CACNA2D4: variants seen among roughly 807,000 people sequenced by gnomAD.
The protein encoded by CACNA2D4 is voltage-dependent calcium channel subunit alpha-2/delta-4.
CACNA2D4 carries 157 observed loss-of-function variants against 163.8 expected under a neutral mutation model. That is an observed-to-expected ratio of 0.96 (90% CI 0.84 to 1.09). The LOEUF is 1.09. Among genes scored for constraint, CACNA2D4 ranks in the 50% least tolerant of loss-of-function variants. The pLI, the probability that CACNA2D4 is intolerant of heterozygous loss-of-function variation, is 0.00. For synonymous variants in CACNA2D4, 598 were observed against 586.9 expected (o/e 1.02, Z -0.27); for missense variants, 1,410 against 1,479.9 (o/e 0.95, Z 0.78).
intron 16 of CACNA2D4, among the ~76,000 whole-genome samples, chr12:1,877,172 C>G (rs1298096067): frequency 6.6e-6 from 1 of 152,196 alleles, no homozygotes; most frequent in Non-Finnish European, 1.5e-5. Context: ...TTCACTGCAT[C>G]GTGAGGTCAG....
In CACNA2D4 at chr12:1,884,426, C is replaced by G; in HGVS notation, c.1273-105G>C. 3.3e-6 allele frequency: 3 copies of G among 908,848 alleles called. No individual in the cohort carries two copies. The South Asian group carries it at 4.4e-5, about 13-fold the overall frequency. The allele number at this position is 908,848 out of a possible 1,614,324, so 56.3% of individuals were successfully genotyped here. Reference sequence around the variant, plus strand: ...GATGTTGGCCCCAGTGCCTCTCAGTCTTCGGGTTCTCCAATTTCACCCCCT... The same window carrying G: ...GATGTTGGCCCCAGTGCCTCTCAGTGTTCGGGTTCTCCAATTTCACCCCCT... On this transcript the variant is annotated intron_variant, in intron 11 of 37. Transcript: ENST00000382722.
chr12:1,818,642 G>T (rs1449181276), intron 26 of CACNA2D4, among the ~76,000 whole-genome samples: 2 of 151,176 alleles, frequency 1.3e-5, no homozygotes, highest in East Asian at 1.9e-4. Context: ...GCGGAAGGCC[G>T]CAGGGTCCTC....
rs375441882 is a variant in CACNA2D4, at chr12:1,801,079, C to T, written c.2832G>A (p.Ser944=). Residue 944 remains serine (S), a synonymous_variant, in exon 31 of 38, where the codon TCG becomes TCA. Transcript: ENST00000382722. ...GCTGGGCTGCACTGTGGTGGTGACT[C>T]GAGGGTTTGCACATGGCCTGATAGT... is the stretch of plus-strand genomic sequence containing the variant. ...MYDYQAMCKP[S]SHHHSAAQPL... is the part of the protein sequence containing the mutation. 1.1e-5 allele frequency: 18 copies of T among 1,613,562 alleles called. No individual in the cohort carries two copies. The African/African-American group carries it at 1.9e-4, about 17-fold the overall frequency.
Position 1,828,814 on chromosome 12 carries a change from A to G in CACNA2D4, c.2551+11925T>C, listed in dbSNP as rs1407722623. 2.0e-5 allele frequency among the ~76,000 whole-genome samples: 3 copies of G among 152,134 alleles called. No individual in the cohort carries two copies. The highest frequency in any genetic ancestry group is 4.4e-5 in the Non-Finnish European group (3 of 68,024). On this transcript the variant is annotated intron_variant, in intron 26 of 37. Coordinates refer to ENST00000382722, the MANE Select transcript of CACNA2D4 (RefSeq NM_172364.5). The surrounding 1 kb of genome is among the most constrained non-coding windows in gnomAD (Gnocchi z 4.2). The stretch of plus-strand genomic sequence containing the variant: ...AGGCAGACTGAGCCGTCCATTTACC[A>G]AAAAGGGGAGGAAGCGTGAATGAAG...
rs1430684982 is a variant in CACNA2D4 at position 1,799,570 on chromosome 12, G to C, written c.2995+105C>G. 8.1e-7 allele frequency: 1 copy of C among 1,237,942 alleles called. No homozygotes were observed. The highest frequency in any genetic ancestry group is 1.2e-6 in the Non-Finnish European group (1 of 866,896). The allele number at this position is 1,237,942 out of a possible 1,614,324, so 76.7% of individuals were successfully genotyped here. A position where few individuals can be genotyped will look rare whatever the true frequency, so the allele number is the denominator to read the frequency against. The stretch of plus-strand genomic sequence containing the variant: ...CTTTAAACCAGGAGAGCTCAGCCCT[G>C]CTTGGGGTCATTCCTGGGACAGGTC... On this transcript the variant is annotated intron_variant, in intron 34 of 37. Coordinates refer to ENST00000382722, the MANE Select transcript of CACNA2D4 (RefSeq NM_172364.5). The surrounding 1 kb of genome is among the most constrained non-coding windows in gnomAD (Gnocchi z 4.7).
intron 6 of CACNA2D4, among the ~76,000 whole-genome samples, chr12:1,897,918 T>A (rs1216384502): frequency 6.6e-6 from 1 of 152,172 alleles, no homozygotes; most frequent in Non-Finnish European, 1.5e-5. Context: ...CACATATTCT[T>A]CTCAAGCACA....
chr12:1,882,050 C>T (rs987554852), intron 13 of CACNA2D4, among the ~76,000 whole-genome samples: 8 of 152,322 alleles, frequency 5.3e-5, no homozygotes, highest in East Asian at 1.9e-4. Flanking sequence ...CTCACAGGGG[C>T]GAAGTATCCC....
chr12:1,876,310 A>G (rs1349051759), intron 16 of CACNA2D4, among the ~76,000 whole-genome samples: 2 of 152,188 alleles, frequency 1.3e-5, no homozygotes, highest in Admixed American at 6.5e-5. Flanking sequence ...GTGCTTAATA[A>G]AGACCTCCCT....
chr12:1,840,766 C>T lies in CACNA2D4; in HGVS notation c.2524G>A (p.Val842Met), dbSNP rs200977656. ...GCAGCAATGGCTGTCCTCTTGTCCA[C>T]GGTCACCGCCACAGCTGTGCTTGCC... The part of the protein sequence containing the change: ...VTASTAVAVT[V>M]DKRTAIAAAA... The change falls in exon 26 of 38, where the codon GTG becomes ATG. Residue 842 changes from valine to methionine, a missense_variant. Coordinates refer to ENST00000382722, the MANE Select transcript of CACNA2D4 (RefSeq NM_172364.5). The T allele has an allele frequency of 2.0e-4, 320 of 1,613,868 alleles. 1 individual carries two copies. Among genetic ancestry groups the T allele is most frequent in the South Asian group, 1.4e-3 (125 of 91,084 alleles).
chr12:1,822,767 G>T (rs1864158143), intron 26 of CACNA2D4, among the ~76,000 whole-genome samples: 1 of 152,222 alleles, frequency 6.6e-6, no homozygotes, highest in Non-Finnish European at 1.5e-5. Flanking sequence ...GGGGTGATGG[G>T]CAGCTGTCCT....
chr12:1,793,833 T>G, intron 37 of CACNA2D4, 74 bp from the exon 38 acceptor site: 1 of 1,254,780 alleles, frequency 8.0e-7, no homozygotes, highest in Admixed American at 1.9e-5. Context: ...CTTCCACCAC[T>G]AATTTGGGCC....
intron 6 of CACNA2D4, among the ~76,000 whole-genome samples, chr12:1,892,172 T>C (rs1866302187): frequency 6.6e-6 from 1 of 152,194 alleles, no homozygotes; most frequent in East Asian, 1.9e-4. Flanking sequence ...GAAAGTTGTC[T>C]AGTTGCTTAC....
At chr12:1,827,958 T>C (rs886946) in intron 26 of CACNA2D4, 335,849 of 421,278 alleles carry the variant, frequency 0.8, 134,749 homozygotes, top group East Asian at 0.91. Context: ...GAATCATAAC[T>C]GAGAGGAACA....
At position 1,793,479 on chromosome 12, in the gene CACNA2D4, T is replaced by A; in HGVS notation, c.*176A>T. 1 of 645,658 alleles carries A rather than the reference T, an allele frequency of 1.5e-6. No individual in the cohort carries two copies. 40.0% of individuals were successfully genotyped at this position (645,658 alleles called of 1,614,324 possible). A position where few individuals can be genotyped will look rare whatever the true frequency, so the allele number is the denominator to read the frequency against. Reference sequence around the variant, plus strand: ...CATCTTGAAAGTGGTGCCAGGTGATTGGTTTCCTGTTCCATCCAGCATTCT... The same window carrying A: ...CATCTTGAAAGTGGTGCCAGGTGATAGGTTTCCTGTTCCATCCAGCATTCT... On this transcript the variant is annotated 3_prime_UTR_variant, in exon 38 of 38. Transcript: ENST00000382722.
In CACNA2D4 at chr12:1,853,940, C is replaced by A; in HGVS notation, c.2246+11G>T. ...TGGTTGGGGCCTGGGAACCTGGGAACCTGGACCTACTCGGACATGTTGAGG... is the reference window on the plus strand; with the variant it reads ...TGGTTGGGGCCTGGGAACCTGGGAAACTGGACCTACTCGGACATGTTGAGG... On this transcript the variant is annotated intron_variant, in intron 23 of 37. Transcript: ENST00000382722. The A allele has an allele frequency of 6.2e-7, 1 of 1,608,868 alleles. No homozygotes were observed. The highest frequency in any genetic ancestry group is 8.5e-7 in the Non-Finnish European group (1 of 1,176,220).
At chr12:1,852,902 T>C (rs1056145077) in intron 23 of CACNA2D4, among the ~76,000 whole-genome samples, 5 of 152,168 alleles carry the variant, frequency 3.3e-5, no homozygotes, top group Non-Finnish European at 7.3e-5. Flanking sequence ...GTTTTCCTCA[T>C]CTGTCAAATG....
At chr12:1,831,845 A>G (rs1035733281) in intron 26 of CACNA2D4, among the ~76,000 whole-genome samples, 1 of 150,766 alleles carries the variant, frequency 6.6e-6, no homozygotes. Flanking sequence ...CTTAGGTTAC[A>G]TAAGGGCAGT....
At chr12:1,897,537 G>A (rs1021904910) in intron 6 of CACNA2D4, among the ~76,000 whole-genome samples, 17 of 152,014 alleles carry the variant, frequency 1.1e-4, no homozygotes, top group Non-Finnish European at 2.9e-5. Flanking sequence ...TAAGATGATG[G>A]CACATTCAAA....
At chr12:1,852,110 A>G (rs1436468318) in intron 23 of CACNA2D4, among the ~76,000 whole-genome samples, 1 of 152,152 alleles carries the variant, frequency 6.6e-6, no homozygotes, top group Non-Finnish European at 1.5e-5. Flanking sequence ...CTCATTGGGT[A>G]TAGTAATTTT....
Sources: allele counts gnomAD v4.1 joint callset (sites outside exome capture counted in the v4.1 genomes callset), GRCh38; gene constraint gnomAD v4.1.1; non-coding constraint Gnocchi (gnomAD v3.1); transcripts MANE v1.5; gene names NCBI Gene and HGNC (gene_info 2026-07-23, HGNC 2026-07-21).